TNRC6B: variants seen among roughly 807,000 people sequenced by gnomAD.
The protein encoded by TNRC6B is trinucleotide repeat-containing gene 6B protein.
In TNRC6B, 52 loss-of-function variants were observed where a neutral mutation model predicts 203.6. The observed-to-expected ratio is 0.26, with a 90% CI of 0.20 to 0.32. The LOEUF (loss-of-function observed/expected upper bound fraction) is 0.32, where lower values mean the gene tolerates loss of function less well. Ranked by LOEUF, TNRC6B falls within the 10% of genes least tolerant of loss-of-function variation. The probability of loss-of-function intolerance (pLI) is 1.00; values close to 1 mark genes in which losing one functional copy is unlikely to be tolerated. For synonymous variants in TNRC6B, 838 were observed against 845.7 expected (o/e 0.99, Z 0.16); for missense variants, 1,923 against 2,286.2 (o/e 0.84, Z 3.24).
At chr22:40,268,572 A>G (rs1473925788) in intron 5 of TNRC6B, among the ~76,000 whole-genome samples, 1 of 152,210 alleles carries the variant, frequency 6.6e-6, no homozygotes, top group African/African-American at 2.4e-5. Flanking sequence ...CTACATCCAC[A>G]TAGCAAAAAC....
At position 40,335,162 on chromosome 22, in the gene TNRC6B, C is replaced by G. The variant is rs1360339173; in HGVS notation, c.*11921C>G. ...GAGAAAAGGGAGGATGTGGCATTGT[C>G]TTTTTTTTTTTTTTTTTTTTTTTTT... is the stretch of plus-strand genomic sequence containing the variant. On this transcript the variant is annotated 3_prime_UTR_variant, in exon 23 of 23. Transcript: ENST00000454349. 2 of 54,874 alleles carry G rather than the reference C, an allele frequency of 3.6e-5. No individual in the cohort carries two copies. The highest frequency in any genetic ancestry group is 4.0e-4 in the Admixed American group (2 of 5,056). The allele number at this position is 54,874 out of a possible 1,614,324, so 3.4% of individuals were successfully genotyped here. A position where few individuals can be genotyped will look rare whatever the true frequency, so the allele number is the denominator to read the frequency against.
At chr22:40,206,855 G>C (rs1456355993) in intron 1 of TNRC6B, among the ~76,000 whole-genome samples, 5 of 152,216 alleles carry the variant, frequency 3.3e-5, no homozygotes, top group Non-Finnish European at 7.3e-5. Flanking sequence ...TTTTCGACAA[G>C]TGCTCTGGGA....
At chr22:40,291,915 G>C (rs1184439036) in intron 12 of TNRC6B, among the ~76,000 whole-genome samples, 1 of 152,192 alleles carries the variant, frequency 6.6e-6, no homozygotes, top group Non-Finnish European at 1.5e-5. Flanking sequence ...TACTGAGGCC[G>C]GGCTCAGTGG....
At chr22:40,231,823 A>G (rs1445571058) in intron 1 of TNRC6B, among the ~76,000 whole-genome samples, 1 of 152,220 alleles carries the variant, frequency 6.6e-6, no homozygotes, top group Non-Finnish European at 1.5e-5. Context: ...CTATGGCTTT[A>G]GATGATCTGG....
chr22:40,148,695 C>A (rs904755646), intron 3 of TNRC6B, among the ~76,000 whole-genome samples: 3 of 82,942 alleles, frequency 3.6e-5, no homozygotes, highest in Non-Finnish European at 7.4e-5. Flanking sequence ...CTTAGAATGT[C>A]GTCTTACTTG....
chr22:40,146,569 T>C (rs985678985), intron 3 of TNRC6B, among the ~76,000 whole-genome samples: 1 of 146,904 alleles, frequency 6.8e-6, no homozygotes, highest in Non-Finnish European at 1.5e-5. Context: ...TAATTTTTTT[T>C]TTTTTTTTTT....
intron 1 of TNRC6B, among the ~76,000 whole-genome samples, chr22:40,050,709 A>T (rs1694438157): frequency 6.6e-6 from 1 of 152,186 alleles, no homozygotes; most frequent in African/African-American, 2.4e-5. Flanking sequence ...GTGTATCTCC[A>T]GAGCCTGGCC....
At chr22:40,051,190 G>A (rs2067741523) in intron 1 of TNRC6B, among the ~76,000 whole-genome samples, 1 of 152,054 alleles carries the variant, frequency 6.6e-6, no homozygotes, top group Admixed American at 6.6e-5. Flanking sequence ...TCTCACTGTT[G>A]GAAGTCTTGC....
At chr22:40,073,148 T>G (rs1028865381) in intron 1 of TNRC6B, among the ~76,000 whole-genome samples, 8 of 150,214 alleles carry the variant, frequency 5.3e-5, no homozygotes, top group East Asian at 1.9e-4. Context: ...TTGGTTTTTT[T>G]TTTTTTTTTT....
intron 5 of TNRC6B, among the ~76,000 whole-genome samples, chr22:40,269,652 C>G (rs935597127): frequency 1.3e-5 from 2 of 151,782 alleles, no homozygotes; most frequent in Non-Finnish European, 2.9e-5. Flanking sequence ...GGAGGCTGAG[C>G]CAGGCAGATC....
chr22:40,211,376 G>A (rs1387946918), intron 1 of TNRC6B, among the ~76,000 whole-genome samples: 1 of 98,334 alleles, frequency 1.0e-5, no homozygotes, highest in Non-Finnish European at 1.9e-5. Context: ...ACCATGCCCG[G>A]CCTGTTCTTT....
chr22:40,308,292 C>G (rs181786290), intron 15 of TNRC6B, among the ~76,000 whole-genome samples: 2 of 152,174 alleles, frequency 1.3e-5, no homozygotes, highest in Admixed American at 6.5e-5. Flanking sequence ...CAGACCTGAT[C>G]GATGGCAGTC....
In TNRC6B at chr22:40,270,166, G is replaced by T; in HGVS notation, c.2851G>T (p.Ala951Ser). 1 of 1,584,238 alleles carries T rather than the reference G, an allele frequency of 6.3e-7. No individual in the cohort carries two copies. The highest frequency in any genetic ancestry group is 1.2e-5 in the South Asian group (1 of 86,460). ...ACCTGCTCCAGATAATGGTACTTCC[G>T]CTTGGGGTGAGCCAAATGAAAGCAG... ...TPPAPDNGTS[A>S]WGEPNESSPG... Residue 951 changes from alanine (A) to serine (S), a missense_variant, in exon 6 of 23, where the codon GCT (alanine) becomes TCT (serine). Physicochemically the swap from Ala to Ser is moderately conservative, Grantham distance 99 (BLOSUM62 1). This residue lies in a region of TNRC6B where 599 missense variants were observed against 656.5 expected (regional missense o/e 0.91). Coordinates refer to ENST00000454349, the MANE Select transcript of TNRC6B (RefSeq NM_001162501.2).
chr22:40,322,859 T>C lies in TNRC6B; in HGVS notation c.5120T>C (p.Val1707Ala), dbSNP rs2071353494. Residue 1707 changes from valine (V) to alanine (A), a missense_variant, in exon 23 of 23, where the codon GTG becomes GCG. This residue lies in a region of TNRC6B where 34 missense variants were observed against 98.5 expected (regional missense o/e 0.35). Coordinates refer to ENST00000454349, the MANE Select transcript of TNRC6B (RefSeq NM_001162501.2). ...CTTTCCCTCCCTTCTTCCAGGTGTGTGTTGGGAAACACTACCATCCTTGCT... is the reference window on the plus strand; with the variant it reads ...CTTTCCCTCCCTTCTTCCAGGTGTGCGTTGGGAAACACTACCATCCTTGCT... ...AKAQTALHMC[V>A]LGNTTILAEF... The C allele has an allele frequency of 6.2e-7, 1 of 1,613,756 alleles. No homozygotes were observed. The highest frequency in any genetic ancestry group is 8.5e-7 in the Non-Finnish European group (1 of 1,179,898).
chr22:40,319,536 A>G (rs2071307576), intron 21 of TNRC6B, among the ~76,000 whole-genome samples: 1 of 148,534 alleles, frequency 6.7e-6, no homozygotes, highest in African/African-American at 2.5e-5. Context: ...TGCGGTTCTC[A>G]TGTCTCAGCC....
upstream of TNRC6B, among the ~76,000 whole-genome samples, chr22:40,173,078 T>C (rs9623144): frequency 0.042 from 6,385 of 152,276 alleles, 428 homozygotes; most frequent in African/African-American, 0.15. Flanking sequence ...ATTATCTACA[T>C]TTATTTAGTG....
intron 3 of TNRC6B, among the ~76,000 whole-genome samples, chr22:40,254,401 T>G (rs2070238276): frequency 6.6e-6 from 1 of 152,166 alleles, no homozygotes; most frequent in South Asian, 2.1e-4. Context: ...AGGCGTGTAA[T>G]CCCAGCTACT....
At chr22:40,049,147 T>C (rs7290960) in intron 1 of TNRC6B, among the ~76,000 whole-genome samples, 55,952 of 151,826 alleles carry the variant, frequency 0.37, 15,089 homozygotes, top group African/African-American at 0.77. Context: ...TTTGGGAGGC[T>C]GAGGCGGGTG....
intron 3 of TNRC6B, among the ~76,000 whole-genome samples, chr22:40,132,969 A>AAAAAAATATATAT (rs1282694632): frequency 5.1e-5 from 4 of 78,186 alleles, no homozygotes; most frequent in East Asian, 8.0e-4. Flanking sequence ...AAAAAAAAAA[A>AAAAAAATATATAT]ATATATATAT....
Sources: gnomAD v4.1 joint callset for allele counts (sites outside exome capture counted in the v4.1 genomes callset) on GRCh38, gnomAD v4.1.1 for gene constraint, gnomAD v4.1.1 regional missense constraint, MANE v1.5 for transcripts, NCBI Gene and HGNC (gene_info 2026-07-23, HGNC 2026-07-21) for gene names.